PDE10A: variants seen among roughly 807,000 people sequenced by gnomAD.
PDE10A encodes the protein cAMP and cAMP-inhibited cGMP 3',5'-cyclic phosphodiesterase 10A.
PDE10A carries 39 observed loss-of-function variants against 97.7 expected under a neutral mutation model. The observed-to-expected ratio is 0.40, with a 90% CI of 0.31 to 0.52. The LOEUF is 0.52. PDE10A is among the 20% of genes least tolerant of loss of function. PDE10A has a pLI of 0.56. For synonymous variants in PDE10A, 371 were observed against 376.8 expected, an observed-to-expected ratio of 0.98 and a Z score of 0.18; for missense variants, 731 against 1,047.8, an observed-to-expected ratio of 0.70 and a Z score of 4.17.
At chr6:165,912,510 C>T (rs984723114) in intron 1 of PDE10A, among the ~76,000 whole-genome samples, 1 of 152,204 alleles carries the variant, frequency 6.6e-6, no homozygotes, top group Non-Finnish European at 1.5e-5. Flanking sequence ...CTACACAGTG[C>T]TACAGTTTTT....
intron 1 of PDE10A, among the ~76,000 whole-genome samples, chr6:165,616,448 G>A (rs1255508393): frequency 6.6e-6 from 1 of 152,156 alleles, no homozygotes; most frequent in African/African-American, 2.4e-5. Flanking sequence ...CCTTCAAGTA[G>A]CTGTCACTCC....
chr6:165,568,148 G>A lies in PDE10A; in HGVS notation c.866-24580C>T, dbSNP rs553323010. Among the ~76,000 whole-genome samples the A allele has an allele frequency of 1.1e-3, 165 of 152,024 alleles. 1 individual carries two copies. The highest frequency in any genetic ancestry group is 3.7e-3 in the African/African-American group (155 of 41,476). ...CGAGTAGCTGGGACTACAAGCGCCC[G>A]CCACCACGCCTGGCTAATTTTTTTG... On this transcript the variant is annotated intron_variant, in intron 1 of 21. Coordinates refer to ENST00000539869, the MANE Select transcript of PDE10A (RefSeq NM_001385079.1).
intron 2 of PDE10A, among the ~76,000 whole-genome samples, chr6:165,543,095 T>C (rs1031427861): frequency 3.3e-5 from 5 of 152,212 alleles, no homozygotes; most frequent in Non-Finnish European, 7.3e-5. Flanking sequence ...AAATATAGTA[T>C]CTTTGAAATA....
chr6:165,583,391 C>G (rs1176811927), intron 1 of PDE10A, among the ~76,000 whole-genome samples: 2 of 152,166 alleles, frequency 1.3e-5, no homozygotes, highest in Non-Finnish European at 2.9e-5. Flanking sequence ...AATCACTTCC[C>G]AAAAGATACC....
At chr6:165,848,351 C>T (rs200398493) in intron 1 of PDE10A, among the ~76,000 whole-genome samples, 1 of 151,896 alleles carries the variant, frequency 6.6e-6, no homozygotes, top group South Asian at 2.1e-4. Context: ...CTCCACGGGG[C>T]GGTGGCATCA....
At chr6:165,526,553 C>CA (rs1327059680) in intron 2 of PDE10A, among the ~76,000 whole-genome samples, 1 of 152,188 alleles carries the variant, frequency 6.6e-6, no homozygotes, top group African/African-American at 2.4e-5. Context: ...GTGCCACCAT[C>CA]AAGGACTTGA....
intron 1 of PDE10A, among the ~76,000 whole-genome samples, chr6:165,987,010 G>A (rs1263734034): frequency 6.6e-6 from 1 of 152,100 alleles, no homozygotes; most frequent in Non-Finnish European, 1.5e-5. Flanking sequence ...CAGAGGCGAG[G>A]ATCAAAAGAG....
At chr6:165,441,155 C>T (rs1405175982) in intron 5 of PDE10A, among the ~76,000 whole-genome samples, 2 of 152,162 alleles carry the variant, frequency 1.3e-5, no homozygotes, top group Admixed American at 1.3e-4. Context: ...TTTACTTTCC[C>T]CTCTCATCTA....
chr6:165,965,394 A>T (rs914248489), intron 1 of PDE10A, among the ~76,000 whole-genome samples: 7 of 152,136 alleles, frequency 4.6e-5, no homozygotes, highest in Non-Finnish European at 7.4e-5. Flanking sequence ...CTGGGGTATA[A>T]ATCAGGGGTA....
intron 1 of PDE10A, among the ~76,000 whole-genome samples, chr6:165,939,082 A>G (rs1402008364): frequency 6.6e-6 from 1 of 152,252 alleles, no homozygotes; most frequent in Admixed American, 6.5e-5. Context: ...AGAATATACC[A>G]GTTGACTCAG....
At chr6:165,954,501 C>A (rs1006564177) in intron 1 of PDE10A, among the ~76,000 whole-genome samples, 1 of 152,170 alleles carries the variant, frequency 6.6e-6, no homozygotes, top group Non-Finnish European at 1.5e-5. Context: ...GTTAGGAACA[C>A]AAAACTCAAC....
intron 18 of PDE10A, among the ~76,000 whole-genome samples, chr6:165,372,766 G>A (rs564002316): frequency 0.15 from 17,844 of 116,844 alleles, 2,065 homozygotes; most frequent in African/African-American, 0.21. Flanking sequence ...AGCCCGCATT[G>A]CCAAGTCAAT....
intron 1 of PDE10A, among the ~76,000 whole-genome samples, chr6:165,807,192 A>G (rs1043457465): frequency 2.0e-5 from 3 of 152,220 alleles, no homozygotes; most frequent in African/African-American, 7.2e-5. Flanking sequence ...TCTTTCTCAA[A>G]GAGAAAAATA....
At chr6:165,765,954 A>G (rs948005881) in intron 1 of PDE10A, among the ~76,000 whole-genome samples, 2 of 152,262 alleles carry the variant, frequency 1.3e-5, no homozygotes, top group South Asian at 2.1e-4. Flanking sequence ...TCTAGCTTCT[A>G]AAAAATCTAG....
intron 1 of PDE10A, among the ~76,000 whole-genome samples, chr6:165,691,291 C>CA (rs1791290480): frequency 6.8e-6 from 1 of 146,300 alleles, no homozygotes; most frequent in African/African-American, 2.6e-5. Context: ...GCCACATATA[C>CA]AACAGTGACC....
chr6:165,679,601 T>C (rs1186722552), intron 1 of PDE10A, among the ~76,000 whole-genome samples: 1 of 152,164 alleles, frequency 6.6e-6, no homozygotes, highest in Admixed American at 6.5e-5. Flanking sequence ...CACCTCACAG[T>C]CCCCTTCAGG....
intron 3 of PDE10A, among the ~76,000 whole-genome samples, chr6:165,459,489 TTAGATAGATAGA>T (rs147229263): frequency 1.4e-3 from 207 of 146,932 alleles, no homozygotes; most frequent in South Asian, 5.1e-3. Context: ...TTCTAATGCA[TTAGATAGATAGA>T]TAGATAGATA....
chr6:165,896,682 GCCCTGCTAATT>G (rs1435253079), intron 1 of PDE10A, among the ~76,000 whole-genome samples: 1 of 151,968 alleles, frequency 6.6e-6, no homozygotes, highest in Non-Finnish European at 1.5e-5. Flanking sequence ...CCACCACCAT[GCCCTGCTAATT>G]TTTTGTATTT....
intron 2 of PDE10A, among the ~76,000 whole-genome samples, chr6:165,500,844 C>T (rs1042075605): frequency 6.6e-5 from 10 of 152,024 alleles, no homozygotes; most frequent in African/African-American, 1.2e-4. Context: ...AGGAGAAAAC[C>T]GCCTTAGGGC....
Sources: gnomAD v4.1 joint callset for allele counts (sites outside exome capture counted in the v4.1 genomes callset) on GRCh38, gnomAD v4.1.1 for gene constraint, MANE v1.5 for transcripts, NCBI Gene and HGNC (gene_info 2026-07-23, HGNC 2026-07-21) for gene names.